The following TOMM40L variants were observed in gnomAD, a reference collection of about 807,000 sequenced individuals.
TOMM40L encodes the protein mitochondrial import receptor subunit TOM40B.
Under a neutral mutation model 38.3 loss-of-function variants are expected in TOMM40L, and 17 were observed. The observed-to-expected ratio is 0.44, with a 90% CI of 0.30 to 0.67. The LOEUF (loss-of-function observed/expected upper bound fraction) is 0.67, where lower values mean the gene tolerates loss of function less well. Among genes scored for constraint, TOMM40L ranks in the 30% least tolerant of loss-of-function variants. The probability of loss-of-function intolerance (pLI) is 0.08; values close to 1 mark genes in which losing one functional copy is unlikely to be tolerated. For synonymous variants in TOMM40L, 151 were observed against 150.2 expected, an observed-to-expected ratio of 1.01 and a Z score of -0.04; for missense variants, 294 against 390.0, an observed-to-expected ratio of 0.75 and a Z score of 2.07.
In TOMM40L at chr1:161,228,810, A is replaced by G; in HGVS notation, c.780A>G (p.Val260=). 6.2e-7 allele frequency: 1 copy of G among 1,614,102 alleles called. No individual in the cohort carries two copies. The highest frequency in any genetic ancestry group is 1.1e-5 in the South Asian group (1 of 91,080). Residue 260 remains valine (V), a synonymous_variant, in exon 9 of 10, where the codon GTA becomes GTG. Coordinates refer to ENST00000367988, the MANE Select transcript of TOMM40L (RefSeq NM_032174.6). ...YHLTLPQANM[V]FRGLVDSNWC... Reference sequence around the variant, plus strand: ...TGACTCTGCCCCAGGCCAACATGGTATTTAGAGGTGAGGGTTATTGGGAGA... The same window carrying G: ...TGACTCTGCCCCAGGCCAACATGGTGTTTAGAGGTGAGGGTTATTGGGAGA...
intron 1 of TOMM40L, 94 bp from the exon 2 acceptor site, chr1:161,226,261 T>G (rs1022297444): frequency 1.9e-6 from 1 of 514,532 alleles, no homozygotes; most frequent in Non-Finnish European, 3.5e-6. Flanking sequence ...AGGACAAGGG[T>G]GACAAGTGGG....
chr1:161,229,272 G>A lies in TOMM40L; in HGVS notation c.*177G>A. On this transcript the variant is annotated 3_prime_UTR_variant, in exon 10 of 10. Coordinates refer to ENST00000367988, the MANE Select transcript of TOMM40L (RefSeq NM_032174.6). ...TGGAGCTGCCACAGGGGCAGTTGAT[G>A]AGGCAGAGGTTTGAGGATCCCCCCT... 1.2e-6 allele frequency: 1 copy of A among 852,956 alleles called. No homozygotes were observed. 52.8% of individuals were successfully genotyped at this position (852,956 alleles called of 1,614,324 possible).
At position 161,227,718 on chromosome 1, in the gene TOMM40L, G is replaced by C. The variant is rs746163026; in HGVS notation, c.359G>C (p.Arg120Pro). ...QVLLLLAERLRAKAVFQTQQA... is the reference protein window; with the variant it reads ...QVLLLLAERLPAKAVFQTQQA... ...TTGCTCCTCTTGGCAGAGCGGCTCCGAGCTAAGGCTGTCTTCCAGGTGACC... is the reference window on the plus strand; with the variant it reads ...TTGCTCCTCTTGGCAGAGCGGCTCCCAGCTAAGGCTGTCTTCCAGGTGACC... The change falls in exon 5 of 10, where the codon CGA (arginine) becomes CCA (proline). Residue 120 changes from arginine (R) to proline (P), a missense_variant. Transcript: ENST00000367988. 1 of 1,613,288 alleles carries C rather than the reference G, an allele frequency of 6.2e-7. No homozygotes were observed. Among genetic ancestry groups the C allele is most frequent in the East Asian group, 2.2e-5 (1 of 44,888 alleles).
chr1:161,228,888 C>T, intron 9 of TOMM40L, 68 bp from the exon 10 acceptor site: 4 of 1,613,738 alleles, frequency 2.5e-6, no homozygotes, highest in Non-Finnish European at 3.4e-6. Flanking sequence ...GAAGCTCGAC[C>T]TTACTTCTGG....
intron 4 of TOMM40L, 142 bp downstream of exon 4, chr1:161,227,492 G>GA: frequency 9.4e-7 from 1 of 1,061,868 alleles, no homozygotes. Context: ...AGAGGGTAGA[G>GA]AAACATTTTC....
intron 1 of TOMM40L, 96 bp from the exon 2 acceptor site, chr1:161,226,259 G>A: frequency 5.7e-6 from 3 of 524,794 alleles, no homozygotes; most frequent in Non-Finnish European, 1.0e-5. Flanking sequence ...AGAGGACAAG[G>A]GTGACAAGTG....
chr1:161,226,395 G>A lies in TOMM40L; in HGVS notation c.-95G>A. 3 of 1,085,432 alleles carry A rather than the reference G, an allele frequency of 2.8e-6. No homozygotes were observed. The highest frequency in any genetic ancestry group is 1.5e-5 in the South Asian group (1 of 65,440). The allele number at this position is 1,085,432 out of a possible 1,614,324, so 67.2% of individuals were successfully genotyped here. A position where few individuals can be genotyped will look rare whatever the true frequency, so the allele number is the denominator to read the frequency against. On this transcript the variant is annotated 5_prime_UTR_variant, in exon 2 of 10. Transcript: ENST00000367988. ...ATGTGGAAGTTTCTGAGGCTGGGGA[G>A]CCGGATAATGGGGGGTGGGGCCCGT...
rs1666566317 is a variant in TOMM40L, at chr1:161,228,777, T to C, written c.747T>C (p.Gly249=). The C allele has an allele frequency of 1.2e-6, 2 of 1,614,000 alleles. No individual in the cohort carries two copies. The highest frequency in any genetic ancestry group is 2.2e-5 in the South Asian group (2 of 91,082). Residue 249 remains glycine (G), a synonymous_variant, in exon 9 of 10, where the codon GGT becomes GGC. Coordinates refer to ENST00000367988, the MANE Select transcript of TOMM40L (RefSeq NM_032174.6). The part of the protein sequence containing the change: ...TRLQDTTFSF[G]YHLTLPQANM... ...TACAAGACACAACATTCTCCTTTGGTTACCACCTGACTCTGCCCCAGGCCA... is the reference window on the plus strand; with the variant it reads ...TACAAGACACAACATTCTCCTTTGGCTACCACCTGACTCTGCCCCAGGCCA...
At position 161,227,734 on chromosome 1, in the gene TOMM40L, C is replaced by T. The variant is rs748708694; in HGVS notation, c.375C>T (p.Phe125=). 15 of 1,613,070 alleles carry T rather than the reference C, an allele frequency of 9.3e-6. No individual in the cohort carries two copies. The African/African-American group carries it at 2.0e-4, about 22-fold the overall frequency. ...AGCGGCTCCGAGCTAAGGCTGTCTT[C>T]CAGGTGACCACAGTTCCTGCCTCCA... ...LAERLRAKAV[F]QTQQAKFLTW... The change falls in exon 5 of 10, where the codon TTC becomes TTT. Residue 125 remains phenylalanine (F), a synonymous_variant. Coordinates refer to ENST00000367988, the MANE Select transcript of TOMM40L (RefSeq NM_032174.6).
chr1:161,228,030 A>G (rs1265903122), intron 6 of TOMM40L, 41 bp downstream of exon 6: 7 of 1,608,626 alleles, frequency 4.4e-6, no homozygotes, highest in Admixed American at 1.7e-5. Context: ...TTGGCGGCCC[A>G]TTTGCTAATG....
At chr1:161,226,774 G>A in intron 2 of TOMM40L, 114 bp from the exon 3 acceptor site, 2 of 1,338,662 alleles carry the variant, frequency 1.5e-6, no homozygotes, top group South Asian at 2.6e-5. Flanking sequence ...TGCAGGACTT[G>A]AAAGGAGGTT....
Position 161,226,421 on chromosome 1 carries a change from TG to T in TOMM40L, c.-63del, listed in dbSNP as rs1232678992. The T allele has an allele frequency of 6.5e-6, 9 of 1,388,842 alleles. No homozygotes were observed. The highest frequency in any genetic ancestry group is 1.3e-5 in the South Asian group (1 of 78,398). 86.0% of individuals were successfully genotyped at this position (1,388,842 alleles called of 1,614,324 possible). A position where few individuals can be genotyped will look rare whatever the true frequency, so the allele number is the denominator to read the frequency against. ...CCGGATAATGGGGGGTGGGGCCCGT[TG>T]GGGGGTAAAGGGGCAATAGCGTCCT... On this transcript the variant is annotated 5_prime_UTR_variant, in exon 2 of 10. An upstream open reading frame in the 5' UTR gains an earlier in-frame stop. Transcript: ENST00000367988.
chr1:161,230,442 C>T lies in TOMM40L; in HGVS notation c.*1347C>T, dbSNP rs563704178. 2.2e-4 allele frequency: 95 copies of T among 440,480 alleles called. No individual in the cohort carries two copies. Among genetic ancestry groups the T allele is most frequent in the Middle Eastern group, 5.8e-4 (1 of 1,724 alleles). 27.3% of individuals were successfully genotyped at this position (440,480 alleles called of 1,614,324 possible). ...GAAATGAGAAATCGAAGGAATTGGC[C>T]CAATGGCGAGGAGAGGAAAGGCCAA... On this transcript the variant is annotated 3_prime_UTR_variant, in exon 10 of 10. Transcript: ENST00000367988.
Position 161,230,635 on chromosome 1 carries a change from C to A in TOMM40L, c.*1540C>A. The A allele has an allele frequency of 1.3e-6, 1 of 781,972 alleles. No individual in the cohort carries two copies. The highest frequency in any genetic ancestry group is 2.0e-6 in the Non-Finnish European group (1 of 498,146). The allele number at this position is 781,972 out of a possible 1,614,324, so 48.4% of individuals were successfully genotyped here. A position where few individuals can be genotyped will look rare whatever the true frequency, so the allele number is the denominator to read the frequency against. ...GAGATGAAACAGCAGTATCCAAATA[C>A]AGCAATTTGGATGCTGAAACGATGT... On this transcript the variant is annotated 3_prime_UTR_variant, in exon 10 of 10. Coordinates refer to ENST00000367988, the MANE Select transcript of TOMM40L (RefSeq NM_032174.6).
Position 161,230,703 on chromosome 1 carries a change from C to T in TOMM40L, c.*1608C>T. ...GGGGAAGGACTAGACCCCACGATAC[C>T]TGAATTCCCTAAGGAAAGGACAGTA... On this transcript the variant is annotated 3_prime_UTR_variant, in exon 10 of 10. Transcript: ENST00000367988. The T allele has an allele frequency of 6.8e-7, 1 of 1,477,250 alleles. No individual in the cohort carries two copies. Among genetic ancestry groups the T allele is most frequent in the Non-Finnish European group, 9.3e-7 (1 of 1,078,372 alleles). The allele number at this position is 1,477,250 out of a possible 1,614,324, so 91.5% of individuals were successfully genotyped here. A position where few individuals can be genotyped will look rare whatever the true frequency, so the allele number is the denominator to read the frequency against.
At chr1:161,226,159 G>A (rs1666329632) in intron 1 of TOMM40L, 23 bp downstream of exon 1, 4 of 255,024 alleles carry the variant, frequency 1.6e-5, no homozygotes, top group Admixed American at 5.3e-5. Flanking sequence ...GCACCATTGC[G>A]GGCCTGGTCT....
In TOMM40L at chr1:161,229,808, TCTC is replaced by T; in HGVS notation, c.*716_*718del. On this transcript the variant is annotated 3_prime_UTR_variant, in exon 10 of 10. Coordinates refer to ENST00000367988, the MANE Select transcript of TOMM40L (RefSeq NM_032174.6). ...AAGTGAGCATGGCCTCAGCTGCAGA[TCTC>T]CTGGAGCAGCGGCATCATGGCAGAC... The T allele has an allele frequency of 6.2e-7, 1 of 1,614,152 alleles. No homozygotes were observed. The highest frequency in any genetic ancestry group is 1.1e-5 in the South Asian group (1 of 91,082).
chr1:161,229,881 G>T lies in TOMM40L; in HGVS notation c.*786G>T, dbSNP rs1466421475. On this transcript the variant is annotated 3_prime_UTR_variant, in exon 10 of 10. Coordinates refer to ENST00000367988, the MANE Select transcript of TOMM40L (RefSeq NM_032174.6). ...TTTGGTACCCGTAGGCCTCATTAAT[G>T]CTCCGGAGCTCAGCCAGCAGGCCTA... The T allele has an allele frequency of 1.2e-6, 2 of 1,614,100 alleles. No individual in the cohort carries two copies. Among genetic ancestry groups the T allele is most frequent in the Non-Finnish European group, 1.7e-6 (2 of 1,180,052 alleles).
In TOMM40L at chr1:161,230,494, G is replaced by C. The variant is rs912308255; in HGVS notation, c.*1399G>C. 1.5e-5 allele frequency: 8 copies of C among 520,220 alleles called. No individual in the cohort carries two copies. Among genetic ancestry groups the C allele is most frequent in the Non-Finnish European group, 2.4e-5 (7 of 297,140 alleles). 32.2% of individuals were successfully genotyped at this position (520,220 alleles called of 1,614,324 possible). On this transcript the variant is annotated 3_prime_UTR_variant, in exon 10 of 10. Coordinates refer to ENST00000367988, the MANE Select transcript of TOMM40L (RefSeq NM_032174.6). ...GGAAGAGAAAAGTCTGCGTTAGTCT[G>C]GAGAAGTTGGACTAGTGAGGTAATG...
Sources: allele counts gnomAD v4.1 joint callset, GRCh38; gene constraint gnomAD v4.1.1; transcripts MANE v1.5; gene names NCBI Gene and HGNC (gene_info 2026-07-23, HGNC 2026-07-21).